Variants in CLEC16A observed in about 807,000 individuals in gnomAD.
CLEC16A encodes protein CLEC16A.
CLEC16A carries 51 observed loss-of-function variants against 109.5 expected under a neutral mutation model. The observed-to-expected ratio is 0.47, with a 90% CI of 0.37 to 0.59. The LOEUF (loss-of-function observed/expected upper bound fraction) is 0.59. Among genes scored for constraint, CLEC16A ranks in the 20% least tolerant of loss-of-function variants. CLEC16A has a pLI of 0.00. For synonymous variants in CLEC16A, 673 were observed against 564.2 expected (o/e 1.19, Z -2.73); for missense variants, 1,339 against 1,394.0 (o/e 0.96, Z 0.63).
intron 19 of CLEC16A, among the ~76,000 whole-genome samples, chr16:11,080,619 C>T (rs2049651412): frequency 6.6e-6 from 1 of 152,220 alleles, no homozygotes; most frequent in Admixed American, 6.5e-5. Context: ...CCACGGGTCT[C>T]ACTGGGCTAA....
chr16:11,106,522 A>G (rs1379172318), intron 19 of CLEC16A, among the ~76,000 whole-genome samples: 2 of 140,740 alleles, frequency 1.4e-5, no homozygotes, highest in Admixed American at 7.4e-5. Context: ...AGCTCTGGCT[A>G]TGTTAACCAA....
In CLEC16A at chr16:11,126,565, T is replaced by C. The variant is rs1369840763; in HGVS notation, c.2641+419T>C. 9 of 485,914 alleles carry C rather than the reference T, an allele frequency of 1.9e-5. No homozygotes were observed. The Admixed American group carries it at 2.8e-4, about 15-fold the overall frequency. The allele number at this position is 485,914 out of a possible 1,614,324, so 30.1% of individuals were successfully genotyped here. A position where few individuals can be genotyped will look rare whatever the true frequency, so the allele number is the denominator to read the frequency against. On this transcript the variant is annotated intron_variant, in intron 22 of 23. Coordinates refer to ENST00000409790, the MANE Select transcript of CLEC16A (RefSeq NM_015226.3). ...GTGAGACTTCAAAAGAAGGCCGTGC[T>C]GCCCACAGGTCAGCTGTCCACTCCT...
At chr16:11,122,067 C>T (rs1263884162) in intron 20 of CLEC16A, among the ~76,000 whole-genome samples, 2 of 147,698 alleles carry the variant, frequency 1.4e-5, no homozygotes, top group African/African-American at 5.1e-5. Context: ...TACTTCAAGG[C>T]AGTCCATTTC....
intron 10 of CLEC16A, among the ~76,000 whole-genome samples, chr16:10,989,630 A>G (rs2043879373): frequency 6.6e-6 from 1 of 152,164 alleles, no homozygotes; most frequent in Non-Finnish European, 1.5e-5. Context: ...AGGCTTGCTT[A>G]TCTCCACATA....
Position 11,124,369 on chromosome 16 carries a change from ACACAGGCAGAACC to A in CLEC16A, c.2473+436_2473+448del, listed in dbSNP as rs561926140. 3.3e-5 allele frequency among the ~76,000 whole-genome samples: 5 copies of A among 152,358 alleles called. No homozygotes were observed. In the South Asian group the frequency reaches 8.3e-4, roughly 25 times the overall value. ...CAGGCTCAGGGACTTGCCCAAAGTCACACAGGCAGAACCCACAGGCAGAACTTCCTACTGTAAA... is the reference window on the plus strand; with the variant it reads ...CAGGCTCAGGGACTTGCCCAAAGTCACACAGGCAGAACTTCCTACTGTAAA... On this transcript the variant is annotated intron_variant, in intron 21 of 23. Transcript: ENST00000409790.
chr16:11,160,082 T>A (rs890689608), intron 22 of CLEC16A, among the ~76,000 whole-genome samples: 1 of 152,180 alleles, frequency 6.6e-6, no homozygotes. Flanking sequence ...GAATCCCCTA[T>A]AATCTCAGGT....
At position 11,044,068 on chromosome 16, in the gene CLEC16A, A is replaced by T. The variant is rs2047498583; in HGVS notation, c.1811A>T (p.Tyr604Phe). 6.2e-7 allele frequency: 1 copy of T among 1,608,498 alleles called. No individual in the cohort carries two copies. Among genetic ancestry groups the T allele is most frequent in the African/African-American group, 1.3e-5 (1 of 74,926 alleles). Residue 604 changes from tyrosine to phenylalanine, a missense_variant, in exon 16 of 24, where the codon TAT (tyrosine) becomes TTT (phenylalanine). By Grantham distance (22) the Tyr-to-Phe change is conservative. Around this residue, in one of 3 missense-constraint regions of CLEC16A, gnomAD observed 1,061 missense variants for 1,006.8 expected, o/e 1.05. Coordinates refer to ENST00000409790, the MANE Select transcript of CLEC16A (RefSeq NM_015226.3). ...AGTGTTCACCTTGTACGACATTTTT[A>T]TAAGGTAATTGGCAGAGCACAGATG... ...EESVHLVRHF[Y>F]KGEDIFLDMF...
At chr16:11,129,021 G>A (rs1007320713) in intron 22 of CLEC16A, among the ~76,000 whole-genome samples, 7 of 152,140 alleles carry the variant, frequency 4.6e-5, no homozygotes, top group Non-Finnish European at 8.8e-5. Context: ...CTTGGGTGGT[G>A]GCTGTGAGAT....
chr16:11,122,064 A>G (rs1158024418), intron 20 of CLEC16A, among the ~76,000 whole-genome samples: 2 of 149,538 alleles, frequency 1.3e-5, no homozygotes, highest in African/African-American at 5.0e-5. Flanking sequence ...CCCTACTTCA[A>G]GGCAGTCCAT....
chr16:11,178,557 TC>T lies in CLEC16A; in HGVS notation c.3035del (p.Pro1012GlnfsTer100). ...DTLSVESLTL[V>X]PPVDPHSLRS... ...CTGAGCGTCGAATCGCTGACCCTTGTCCCCCCAGTTGACCCCCACAGCCTCC... is the reference window on the plus strand; with the variant it reads ...CTGAGCGTCGAATCGCTGACCCTTGTCCCCCAGTTGACCCCCACAGCCTCC... On this transcript the variant is annotated frameshift_variant, in exon 24 of 24. Coordinates refer to ENST00000409790, the MANE Select transcript of CLEC16A (RefSeq NM_015226.3). LOFTEE classifies it low-confidence loss of function (END_TRUNC). The surrounding 1 kb of genome is among the most constrained non-coding windows in gnomAD (Gnocchi z 6.5). 1 of 1,612,198 alleles carries T rather than the reference TC, an allele frequency of 6.2e-7. No individual in the cohort carries two copies. The highest frequency in any genetic ancestry group is 8.5e-7 in the Non-Finnish European group (1 of 1,179,786).
intron 11 of CLEC16A, among the ~76,000 whole-genome samples, chr16:11,004,252 T>TG (rs1471445482): frequency 6.6e-6 from 1 of 152,194 alleles, no homozygotes; most frequent in Non-Finnish European, 1.5e-5. Flanking sequence ...ACTGCCCTAT[T>TG]GCTTGTGTCA....
chr16:11,111,542 G>A (rs1308934076), intron 19 of CLEC16A, among the ~76,000 whole-genome samples: 1 of 152,234 alleles, frequency 6.6e-6, no homozygotes, highest in Non-Finnish European at 1.5e-5. Flanking sequence ...GATGGGAGGA[G>A]AGTCAAAGTC....
At chr16:11,023,231 T>C (rs1314638191) in intron 12 of CLEC16A, among the ~76,000 whole-genome samples, 1 of 152,100 alleles carries the variant, frequency 6.6e-6, no homozygotes, top group Non-Finnish European at 1.5e-5. Context: ...AGCAAACTTT[T>C]CACCTTATTC....
At position 10,957,854 on chromosome 16, in the gene CLEC16A, C is replaced by T. The variant is rs748131180; in HGVS notation, c.153C>T (p.Ile51=). The T allele has an allele frequency of 6.2e-7, 1 of 1,613,772 alleles. No individual in the cohort carries two copies. Among genetic ancestry groups the T allele is most frequent in the Non-Finnish European group, 8.5e-7 (1 of 1,179,688 alleles). The part of the protein sequence containing the change: ...EQNRNLLVET[I]RSITEILIWG... ...ACCGGAACCTGCTAGTGGAGACCAT[C>T]CGTTCCATCACTGAGATCCTGATCT... Residue 51 remains isoleucine (I), a synonymous_variant, in exon 2 of 24, where the codon ATC becomes ATT. Coordinates refer to ENST00000409790, the MANE Select transcript of CLEC16A (RefSeq NM_015226.3).
chr16:11,131,029 G>GA (rs112694398), intron 22 of CLEC16A, among the ~76,000 whole-genome samples: 73 of 150,164 alleles, frequency 4.9e-4, no homozygotes, highest in African/African-American at 1.5e-3. Context: ...ATTTGGCTCA[G>GA]AAAAAAAAAA....
chr16:11,112,047 C>T (rs574629529), intron 19 of CLEC16A, among the ~76,000 whole-genome samples: 71 of 152,288 alleles, frequency 4.7e-4, no homozygotes, highest in African/African-American at 1.7e-3. Context: ...TTCTCCCTAC[C>T]GTGGGAGAGA....
intron 11 of CLEC16A, among the ~76,000 whole-genome samples, chr16:11,010,896 G>A (rs1031131239): frequency 9.2e-5 from 14 of 151,952 alleles, no homozygotes; most frequent in African/African-American, 2.7e-4. Flanking sequence ...CTAATAAAAC[G>A]TCCTTCATTT....
rs764829700 is a variant in CLEC16A at position 11,024,901 on chromosome 16, A to G, written c.1517A>G (p.Tyr506Cys). ...YHALFVLCLL[Y>C]AMSHNKGMDP... ...GCCCTGTTCGTGCTCTGCCTCCTCTATGCCATGTCTCATAATAAAGGTAAG... is the reference window on the plus strand; with the variant it reads ...GCCCTGTTCGTGCTCTGCCTCCTCTGTGCCATGTCTCATAATAAAGGTAAG... The change falls in exon 13 of 24, where the codon TAT becomes TGT. Residue 506 changes from tyrosine (Y) to cysteine (C), a missense_variant. Tyr to Cys is a radical substitution (Grantham distance 194, BLOSUM62 -2). Transcript: ENST00000409790. 13 of 1,608,312 alleles carry G rather than the reference A, an allele frequency of 8.1e-6. No homozygotes were observed. Among genetic ancestry groups the G allele is most frequent in the Non-Finnish European group, 9.3e-6 (11 of 1,177,414 alleles).
At chr16:11,009,002 A>C (rs775761921) in intron 11 of CLEC16A, among the ~76,000 whole-genome samples, 2 of 152,156 alleles carry the variant, frequency 1.3e-5, no homozygotes, top group African/African-American at 2.4e-5. Context: ...CTGTCTCAAA[A>C]AAAATAAAAA....
Sources: gnomAD v4.1 joint callset for allele counts (sites outside exome capture counted in the v4.1 genomes callset) on GRCh38, gnomAD v4.1.1 for gene constraint, gnomAD v4.1.1 regional missense constraint, Gnocchi (gnomAD v3.1) non-coding constraint, MANE v1.5 for transcripts, NCBI Gene and HGNC (gene_info 2026-07-23, HGNC 2026-07-21) for gene names.